The following SLC9A9 variants were observed in gnomAD, a reference collection of about 807,000 sequenced individuals.
The protein encoded by SLC9A9 is solute carrier family 9 member A9.
Under a neutral mutation model 77.8 loss-of-function variants are expected in SLC9A9, and 62 were observed. The ratio of observed to expected loss-of-function variants is 0.80; its 90% CI spans 0.65 to 0.98. The LOEUF (loss-of-function observed/expected upper bound fraction) is 0.98. Ranked by LOEUF, SLC9A9 falls within the 50% of genes least tolerant of loss-of-function variation. The probability of loss-of-function intolerance (pLI) is 0.00; values close to 1 mark genes in which losing one functional copy is unlikely to be tolerated. For synonymous variants in SLC9A9, 320 were observed against 283.5 expected (o/e 1.13, Z -1.29); for missense variants, 775 against 774.9 (o/e 1.00, Z 0.00).
At chr3:143,471,402 A>G (rs1251816523) in intron 11 of SLC9A9, among the ~76,000 whole-genome samples, 2 of 152,212 alleles carry the variant, frequency 1.3e-5, no homozygotes, top group South Asian at 2.1e-4. Flanking sequence ...CTCTGGACAT[A>G]TTGATCCTAT....
intron 13 of SLC9A9, among the ~76,000 whole-genome samples, chr3:143,378,290 C>A (rs767470652): frequency 1.3e-5 from 2 of 152,192 alleles, no homozygotes; most frequent in Non-Finnish European, 2.9e-5. Context: ...TGAATACATG[C>A]ACGCATACCA....
rs551228080 is a variant in SLC9A9 at position 143,774,088 on chromosome 3, A to G, written c.533+20913T>C. On this transcript the variant is annotated intron_variant, in intron 4 of 15. Coordinates refer to ENST00000316549, the MANE Select transcript of SLC9A9 (RefSeq NM_173653.4). The stretch of plus-strand genomic sequence containing the variant: ...AAAGCCAAAAATGCATATAAGGCAA[A>G]ATTCTATTTTATTGCCCTCAATAAA... Among the ~76,000 whole-genome samples the G allele has an allele frequency of 6.6e-5, 10 of 152,376 alleles. No homozygotes were observed. In the South Asian group the frequency reaches 2.1e-3, roughly 32 times the overall value.
chr3:143,721,211 A>T (rs9836872), intron 4 of SLC9A9, among the ~76,000 whole-genome samples: 1,738 of 152,196 alleles, frequency 0.011, 22 homozygotes, highest in Middle Eastern at 0.027. Context: ...AAAAAAGTCC[A>T]CATTACCAGG....
At chr3:143,351,088 T>C (rs1030504530) in intron 14 of SLC9A9, among the ~76,000 whole-genome samples, 4 of 152,336 alleles carry the variant, frequency 2.6e-5, no homozygotes, top group Admixed American at 2.0e-4. Flanking sequence ...ATCAAGGTTT[T>C]AAAACCTTTT....
rs1232116812 is a variant in SLC9A9, at chr3:143,848,351, A to G, written c.-29T>C. ...CCAGTCTTCTTGGGATTCCTTAGAT[A>G]AAAACCTGGATAAAGGCTATTTTAT... On this transcript the variant is annotated 5_prime_UTR_variant, in exon 1 of 16. Coordinates refer to ENST00000316549, the MANE Select transcript of SLC9A9 (RefSeq NM_173653.4). 2 of 1,613,748 alleles carry G rather than the reference A, an allele frequency of 1.2e-6. No individual in the cohort carries two copies. Among genetic ancestry groups the G allele is most frequent in the South Asian group, 2.2e-5 (2 of 91,076 alleles).
chr3:143,403,224 T>G (rs1470342601), intron 12 of SLC9A9, among the ~76,000 whole-genome samples: 1 of 152,202 alleles, frequency 6.6e-6, no homozygotes, highest in Non-Finnish European at 1.5e-5. Flanking sequence ...CTTCTGTTAC[T>G]CTTTATTTCT....
intron 4 of SLC9A9, among the ~76,000 whole-genome samples, chr3:143,727,426 GGT>G (rs753340338): frequency 2.0e-5 from 3 of 152,072 alleles, no homozygotes; most frequent in Non-Finnish European, 4.4e-5. Flanking sequence ...CCAATGACCT[GGT>G]GCACTGTCCC....
intron 1 of SLC9A9, among the ~76,000 whole-genome samples, chr3:143,844,922 C>T (rs947349845): frequency 6.6e-6 from 1 of 151,956 alleles, no homozygotes; most frequent in Admixed American, 6.6e-5. Context: ...CCATGCCCCC[C>T]TGCTCTTGCA....
At position 143,781,897 on chromosome 3, in the gene SLC9A9, G is replaced by C. The variant is rs1157410919; in HGVS notation, c.533+13104C>G. On this transcript the variant is annotated intron_variant, in intron 4 of 15. Coordinates refer to ENST00000316549, the MANE Select transcript of SLC9A9 (RefSeq NM_173653.4). The stretch of plus-strand genomic sequence containing the variant: ...TAGAGCAATAAAGCATCGCAGAGCT[G>C]TAGTTAAGATTGACTTCTATTCCTT... Among the ~76,000 whole-genome samples the C allele has an allele frequency of 2.6e-5, 4 of 152,228 alleles. No individual in the cohort carries two copies. In the East Asian group the frequency reaches 7.7e-4, roughly 29 times the overall value.
chr3:143,803,954 T>C (rs1008109688), intron 2 of SLC9A9, among the ~76,000 whole-genome samples: 2 of 152,078 alleles, frequency 1.3e-5, no homozygotes, highest in Non-Finnish European at 2.9e-5. Flanking sequence ...CAAGCTGCCG[T>C]CCTCCTCCAC....
intron 5 of SLC9A9, among the ~76,000 whole-genome samples, chr3:143,678,526 G>C (rs1279139582): frequency 1.3e-5 from 2 of 152,122 alleles, no homozygotes; most frequent in African/African-American, 2.4e-5. Flanking sequence ...AATTGTGCTA[G>C]TACCATTTGT....
At chr3:143,785,906 G>A (rs13073355) in intron 4 of SLC9A9, among the ~76,000 whole-genome samples, 1 of 142,550 alleles carries the variant, frequency 7.0e-6, no homozygotes, top group African/African-American at 2.6e-5. Flanking sequence ...GCCCAGGCTG[G>A]AGTGCAGTGG....
At chr3:143,839,589 G>A (rs60550983) in intron 1 of SLC9A9, among the ~76,000 whole-genome samples, 6,385 of 151,816 alleles carry the variant, frequency 0.042, 429 homozygotes, top group African/African-American at 0.14. Flanking sequence ...CACATACATA[G>A]ACACAACACA....
chr3:143,686,799 C>T (rs1056356375), intron 5 of SLC9A9, among the ~76,000 whole-genome samples: 8 of 152,260 alleles, frequency 5.3e-5, no homozygotes, highest in Admixed American at 2.6e-4. Flanking sequence ...TTTGGCTAAT[C>T]GCAAAATGAG....
chr3:143,796,121 G>T (rs2008378469), intron 3 of SLC9A9, among the ~76,000 whole-genome samples: 1 of 152,176 alleles, frequency 6.6e-6, no homozygotes, highest in Non-Finnish European at 1.5e-5. Context: ...TCACTCTGTG[G>T]CTCAGGGGAT....
At chr3:143,762,778 G>T (rs552331940) in intron 4 of SLC9A9, among the ~76,000 whole-genome samples, 60 of 152,248 alleles carry the variant, frequency 3.9e-4, no homozygotes, top group African/African-American at 1.4e-3. Flanking sequence ...TGGCCAGTGT[G>T]GCACTGTCCT....
chr3:143,546,717 T>C (rs1042607606), intron 9 of SLC9A9, among the ~76,000 whole-genome samples: 4 of 152,220 alleles, frequency 2.6e-5, no homozygotes, highest in African/African-American at 9.6e-5. Context: ...CTGCTACTTA[T>C]AAGCCTAGAA....
intron 14 of SLC9A9, among the ~76,000 whole-genome samples, chr3:143,338,822 C>G (rs777344584): frequency 6.6e-6 from 1 of 151,944 alleles, no homozygotes; most frequent in African/African-American, 2.4e-5. Flanking sequence ...AACAGAGATA[C>G]GAAAAGGTTA....
chr3:143,827,574 C>G (rs1224658408), intron 2 of SLC9A9, among the ~76,000 whole-genome samples: 2 of 152,010 alleles, frequency 1.3e-5, no homozygotes, highest in Non-Finnish European at 2.9e-5. Context: ...AGTTTTATAC[C>G]TTCTTATTGG....
Sources: gnomAD v4.1 joint callset for allele counts (sites outside exome capture counted in the v4.1 genomes callset) on GRCh38, gnomAD v4.1.1 for gene constraint, MANE v1.5 for transcripts, NCBI Gene and HGNC (gene_info 2026-07-23, HGNC 2026-07-21) for gene names.